The following SMCHD1 variants were observed in gnomAD, a reference collection of about 807,000 sequenced individuals.
The protein encoded by SMCHD1 is structural maintenance of chromosomes flexible hinge domain-containing protein 1.
In SMCHD1, 78 loss-of-function variants were observed where a neutral mutation model predicts 254.7. That is an observed-to-expected ratio of 0.31 (90% CI 0.26 to 0.37). The LOEUF is 0.37. SMCHD1 is among the 10% of genes least tolerant of loss of function. The probability of loss-of-function intolerance (pLI) is 1.00; values close to 1 mark genes in which losing one functional copy is unlikely to be tolerated. For missense variants in SMCHD1, 1,840 were observed against 2,408.1 expected (o/e 0.76, Z 4.94); for synonymous variants, 766 against 794.9 (o/e 0.96, Z 0.61).
chr18:2,771,417 T>C (rs2075982240), intron 39 of SMCHD1, 116 bp from the exon 40 acceptor site: 3 of 717,404 alleles, frequency 4.2e-6, no homozygotes, highest in Admixed American at 3.7e-5. Flanking sequence ...CTATCAGTTT[T>C]CATTTTAGCA....
chr18:2,726,134 A>G (rs1226233068), intron 21 of SMCHD1, among the ~76,000 whole-genome samples: 3 of 151,892 alleles, frequency 2.0e-5, no homozygotes, highest in African/African-American at 4.8e-5. Flanking sequence ...CTTGATTATG[A>G]TAATTATTCA....
chr18:2,784,477 C>T lies in SMCHD1; in HGVS notation c.5575C>T (p.Leu1859=). ...TGTTAAAATTACACACTGTCCTACACTGCTGACCAGAGATGGAGATCGAAT... is the reference window on the plus strand; with the variant it reads ...TGTTAAAATTACACACTGTCCTACATTGCTGACCAGAGATGGAGATCGAAT... ...EVVKITHCPT[L]LTRDGDRIRS... The change falls in exon 45 of 48, where the codon CTG becomes TTG. Residue 1859 remains leucine (L), a synonymous_variant. Coordinates refer to ENST00000320876, the MANE Select transcript of SMCHD1 (RefSeq NM_015295.3). The T allele has an allele frequency of 3.1e-6, 5 of 1,612,374 alleles. No individual in the cohort carries two copies. In the South Asian group the frequency reaches 4.4e-5, roughly 14 times the overall value.
intron 29 of SMCHD1, among the ~76,000 whole-genome samples, chr18:2,744,513 T>G (rs1024504515): frequency 1.3e-5 from 2 of 152,174 alleles, no homozygotes; most frequent in African/African-American, 4.8e-5. Flanking sequence ...TTTTGAAATA[T>G]GTATACATTG....
chr18:2,727,143 T>C (rs1207066664), intron 22 of SMCHD1: 1 of 152,182 alleles, frequency 6.6e-6, no homozygotes, highest in African/African-American at 2.4e-5. Flanking sequence ...CTTGCACAGT[T>C]CTGTAGTACT....
At chr18:2,707,679 G>T in intron 16 of SMCHD1, 34 bp downstream of exon 16, 2 of 1,513,068 alleles carry the variant, frequency 1.3e-6, no homozygotes, top group Non-Finnish European at 1.8e-6. Context: ...ACCAAAAAGT[G>T]TGCTTTTCTT....
At chr18:2,680,436 G>A (rs368296156) in intron 5 of SMCHD1, among the ~76,000 whole-genome samples, 1 of 152,180 alleles carries the variant, frequency 6.6e-6, no homozygotes, top group East Asian at 1.9e-4. Context: ...GTCAGCTAGT[G>A]ATCAAACATT....
At chr18:2,755,646 C>T (rs573119502) in intron 34 of SMCHD1, among the ~76,000 whole-genome samples, 1 of 142,936 alleles carries the variant, frequency 7.0e-6, no homozygotes, top group African/African-American at 2.6e-5. Flanking sequence ...TGGCTCACTG[C>T]AAGCTCTGCC....
At chr18:2,721,315 G>C (rs750297032) in intron 19 of SMCHD1, among the ~76,000 whole-genome samples, 2 of 151,902 alleles carry the variant, frequency 1.3e-5, no homozygotes, top group Non-Finnish European at 2.9e-5. Flanking sequence ...ATTGTTACAG[G>C]GTTTTTGGAG....
chr18:2,771,036 T>G (rs986687666), intron 39 of SMCHD1, among the ~76,000 whole-genome samples: 2 of 152,240 alleles, frequency 1.3e-5, no homozygotes, highest in African/African-American at 4.8e-5. Flanking sequence ...GCTAAGGTTT[T>G]TGGCCTTGTG....
chr18:2,757,792 G>A (rs556154333), intron 34 of SMCHD1, among the ~76,000 whole-genome samples: 2 of 152,012 alleles, frequency 1.3e-5, no homozygotes, highest in African/African-American at 2.4e-5. Flanking sequence ...AAGTATGAAC[G>A]AAGATTTGTC....
chr18:2,711,423 A>G (rs913022650), intron 17 of SMCHD1, among the ~76,000 whole-genome samples: 1 of 150,116 alleles, frequency 6.7e-6, no homozygotes, highest in Admixed American at 6.6e-5. Flanking sequence ...TTGTTGAGCC[A>G]TGCTTGCATT....
In SMCHD1 at chr18:2,732,348, A is replaced by G; in HGVS notation, c.3132A>G (p.Val1044=). 6.2e-7 allele frequency: 1 copy of G among 1,613,874 alleles called. No homozygotes were observed. The highest frequency in any genetic ancestry group is 8.5e-7 in the Non-Finnish European group (1 of 1,179,814). Residue 1044 remains valine, a synonymous_variant, in exon 25 of 48, where the codon GTA becomes GTG. Transcript: ENST00000320876. ...SHVARLQIFS[V]EGQKAIQIKH... is the part of the protein sequence containing the mutation. Reference sequence around the variant, plus strand: ...TTGCAAGACTACAAATATTCAGTGTAGAAGGACAAAAGGCAATTCAGATCA... The same window carrying G: ...TTGCAAGACTACAAATATTCAGTGTGGAAGGACAAAAGGCAATTCAGATCA...
Position 2,790,150 on chromosome 18 carries a change from C to T in SMCHD1, c.5719+5529C>T, listed in dbSNP as rs545319063. On this transcript the variant is annotated intron_variant, in intron 45 of 47. Transcript: ENST00000320876. ...TGAGCCGACATCGCGCCACTGCACT[C>T]CAGCCTGGGCAACAGAGCGAGACTT... Among the ~76,000 whole-genome samples, 5 of 152,202 alleles carry T rather than the reference C, an allele frequency of 3.3e-5. No individual in the cohort carries two copies. The South Asian group carries it at 1.0e-3, about 32-fold the overall frequency.
intron 30 of SMCHD1, among the ~76,000 whole-genome samples, chr18:2,748,342 T>TTGTGTGTGTGTGTGTGTGTGTGTG (rs1199860810): frequency 8.9e-5 from 7 of 78,460 alleles, no homozygotes; most frequent in African/African-American, 3.9e-4. Flanking sequence ...CTTTGCAAAG[T>TTGTGTGTGTGTGTGTGTGTGTGTG]TGTGTGTGTG....
At chr18:2,744,057 T>C in intron 29 of SMCHD1, 129 bp downstream of exon 29, 1 of 764,516 alleles carries the variant, frequency 1.3e-6, no homozygotes, top group African/African-American at 1.7e-5. Flanking sequence ...ACAGTAAAAA[T>C]AACAAAAAAG....
rs202006154 is a variant in SMCHD1, at chr18:2,775,842, C to A, written c.5284C>A (p.Arg1762Ser). 3.1e-6 allele frequency: 5 copies of A among 1,612,426 alleles called. No homozygotes were observed. The highest frequency in any genetic ancestry group is 3.4e-6 in the Non-Finnish European group (4 of 1,179,464). ...VVTLTTDAAR[R>S]IYDETQGRQQ... ...CACCCTAACCACTGACGCTGCACGT[C>A]GTATCTATGATGAAACCCAAGGTCG... The change falls in exon 42 of 48, where the codon CGT becomes AGT. Residue 1762 changes from arginine (R) to serine (S), a missense_variant. By Grantham distance (110) the Arg-to-Ser change is moderately radical. Transcript: ENST00000320876.
intron 42 of SMCHD1, among the ~76,000 whole-genome samples, chr18:2,776,660 C>T (rs957418761): frequency 6.6e-6 from 1 of 152,086 alleles, no homozygotes; most frequent in Non-Finnish European, 1.5e-5. Context: ...AAGCTTTTCA[C>T]GGCCTGTAAT....
intron 17 of SMCHD1, among the ~76,000 whole-genome samples, chr18:2,715,800 A>G (rs2143342353): frequency 6.6e-6 from 1 of 152,276 alleles, no homozygotes; most frequent in Middle Eastern, 3.4e-3. Context: ...GCAGTGAGCT[A>G]TGATTGTGCC....
rs752013568 is a variant in SMCHD1 at position 2,752,480 on chromosome 18, C to CT, written c.4282-5dup. The CT allele has an allele frequency of 7.5e-6, 12 of 1,596,218 alleles. No homozygotes were observed. The African/African-American group carries it at 8.1e-5, about 11-fold the overall frequency. ...CCCTCTCCCCTTCTCTCCTACTCCC[C>CT]TTTCTAGGCAGAAACATTTAGTTGT... On this transcript the variant is annotated splice_polypyrimidine_tract_variant and splice_region_variant and intron_variant, in intron 33 of 47. Coordinates refer to ENST00000320876, the MANE Select transcript of SMCHD1 (RefSeq NM_015295.3).
Sources: allele counts gnomAD v4.1 joint callset (sites outside exome capture counted in the v4.1 genomes callset), GRCh38; gene constraint gnomAD v4.1.1; transcripts MANE v1.5; gene names NCBI Gene and HGNC (gene_info 2026-07-23, HGNC 2026-07-21).